The following TRIO variants were observed in gnomAD, a reference collection of about 807,000 sequenced individuals.
TRIO encodes the protein triple functional domain protein.
Under a neutral mutation model 351.9 loss-of-function variants are expected in TRIO, and 58 were observed. The observed-to-expected ratio is 0.16, with a 90% CI of 0.13 to 0.21. The LOEUF (loss-of-function observed/expected upper bound fraction) is 0.21. TRIO is among the 10% of genes least tolerant of loss of function. The pLI is 1.00. For synonymous variants in TRIO, 1,758 were observed against 1,595.7 expected, an observed-to-expected ratio of 1.10 and a Z score of -2.42; for missense variants, 3,201 against 4,027.8, an observed-to-expected ratio of 0.79 and a Z score of 5.56.
intron 3 of TRIO, among the ~76,000 whole-genome samples, chr5:14,281,441 C>T (rs901087772): frequency 1.5e-4 from 19 of 128,506 alleles, no homozygotes; most frequent in Non-Finnish European, 2.1e-4. Context: ...CCCCCCGCCC[C>T]GTGATCCAAT....
At chr5:14,179,283 C>T (rs1476510635) in intron 1 of TRIO, among the ~76,000 whole-genome samples, 1 of 152,172 alleles carries the variant, frequency 6.6e-6, no homozygotes, top group Non-Finnish European at 1.5e-5. Context: ...ATGTGCTAGA[C>T]TCAAACATAC....
At chr5:14,251,461 A>T (rs1794742151) in intron 1 of TRIO, among the ~76,000 whole-genome samples, 1 of 152,168 alleles carries the variant, frequency 6.6e-6, no homozygotes, top group Non-Finnish European at 1.5e-5. Context: ...GAATTTGGAG[A>T]TGGAGTGAAC....
Position 14,290,928 on chromosome 5 carries a change from G to A in TRIO, c.753G>A (p.Glu251=), listed in dbSNP as rs764101054. 2 of 1,614,220 alleles carry A rather than the reference G, an allele frequency of 1.2e-6. No homozygotes were observed. Residue 251 remains glutamate, a synonymous_variant, in exon 5 of 57, where the codon GAG becomes GAA. Transcript: ENST00000344204. ...AGAAGGAGCTGCCTCAGGATTTAGA[G>A]GGGGCTCGGAATATGATCGAGGAAC... ...LAKKELPQDL[E]GARNMIEEHS... is the part of the protein sequence containing the mutation.
intron 1 of TRIO, among the ~76,000 whole-genome samples, chr5:14,212,967 A>G (rs1219569309): frequency 1.3e-5 from 2 of 152,182 alleles, no homozygotes; most frequent in Non-Finnish European, 2.9e-5. Context: ...TCATGGCCGG[A>G]TCTGATTTGT....
Position 14,479,956 on chromosome 5 carries a change from C to T in TRIO, c.6281C>T (p.Thr2094Ile), listed in dbSNP as rs1561538437. 1 of 1,614,140 alleles carries T rather than the reference C, an allele frequency of 6.2e-7. No homozygotes were observed. ...KQRLGHRLQL[T>I]DLLIKPVQRI... is the part of the protein sequence containing the mutation. Reference sequence around the variant, plus strand: ...CGTCTTGGCCACAGGTTACAGCTCACAGATCTGTTGATCAAACCAGTGCAG... The same window carrying T: ...CGTCTTGGCCACAGGTTACAGCTCATAGATCTGTTGATCAAACCAGTGCAG... The change falls in exon 43 of 57, where the codon ACA becomes ATA. Residue 2094 changes from threonine to isoleucine, a missense_variant. By Grantham distance (89) the Thr-to-Ile change is moderately conservative. This residue lies in a region of TRIO where 307 missense variants were observed against 396.5 expected (regional missense o/e 0.77). Coordinates refer to ENST00000344204, the MANE Select transcript of TRIO (RefSeq NM_007118.4).
At chr5:14,273,096 C>T (rs1477749587) in intron 2 of TRIO, among the ~76,000 whole-genome samples, 2 of 152,124 alleles carry the variant, frequency 1.3e-5, no homozygotes, top group Non-Finnish European at 2.9e-5. Flanking sequence ...CACCCCCAAG[C>T]CCCCAGCACT....
intron 35 of TRIO, among the ~76,000 whole-genome samples, chr5:14,462,517 T>C (rs759013309): frequency 2.0e-5 from 3 of 152,194 alleles, no homozygotes; most frequent in African/African-American, 4.8e-5. Context: ...ACAGATCACA[T>C]TGGCAGTCCC....
At chr5:14,218,093 A>G (rs73748688) in intron 1 of TRIO, among the ~76,000 whole-genome samples, 4,341 of 152,244 alleles carry the variant, frequency 0.029, 212 homozygotes, top group African/African-American at 0.1. Flanking sequence ...TACCTTCCCA[A>G]AACAGGTTGG....
In TRIO at chr5:14,292,676, A is replaced by G. The variant is rs533694748; in HGVS notation, c.1054-336A>G. ...TCTTTAATTGAACCTCACTGTGGCA[A>G]ATTAAGTAGTTCAGCGTGGCAGGGA... On this transcript the variant is annotated intron_variant, in intron 5 of 56. Coordinates refer to ENST00000344204, the MANE Select transcript of TRIO (RefSeq NM_007118.4). Among the ~76,000 whole-genome samples, 12 of 152,330 alleles carry G rather than the reference A, an allele frequency of 7.9e-5. No individual in the cohort carries two copies. In the South Asian group the frequency reaches 2.5e-3, roughly 32 times the overall value.
rs150175144 is a variant in TRIO, at chr5:14,428,507, C to T, written c.5203+8486C>T. Among the ~76,000 whole-genome samples, 10 of 152,192 alleles carry T rather than the reference C, an allele frequency of 6.6e-5. No individual in the cohort carries two copies. In the South Asian group the frequency reaches 8.3e-4, roughly 13 times the overall value. On this transcript the variant is annotated intron_variant, in intron 34 of 56. Coordinates refer to ENST00000344204, the MANE Select transcript of TRIO (RefSeq NM_007118.4). ...TACACCAAGAATTTTAAAACAAAGACGCTGTCCCTTTCCTGAGCACCGTGC... is the reference window on the plus strand; with the variant it reads ...TACACCAAGAATTTTAAAACAAAGATGCTGTCCCTTTCCTGAGCACCGTGC...
At position 14,508,581 on chromosome 5, in the gene TRIO, G is replaced by C. The variant is rs910136272; in HGVS notation, c.*159G>C. 6 of 948,612 alleles carry C rather than the reference G, an allele frequency of 6.3e-6. No individual in the cohort carries two copies. In the African/African-American group the frequency reaches 1.0e-4, roughly 16 times the overall value. 58.8% of individuals were successfully genotyped at this position (948,612 alleles called of 1,614,324 possible). ...CTGTGCTCAGCAGTGCTTGGACACAGAGCTGCAAGCTGCGCTGGGGTGGAG... is the reference window on the plus strand; with the variant it reads ...CTGTGCTCAGCAGTGCTTGGACACACAGCTGCAAGCTGCGCTGGGGTGGAG... On this transcript the variant is annotated 3_prime_UTR_variant, in exon 57 of 57. Coordinates refer to ENST00000344204, the MANE Select transcript of TRIO (RefSeq NM_007118.4).
intron 1 of TRIO, among the ~76,000 whole-genome samples, chr5:14,163,924 TTAAG>T (rs1428114955): frequency 2.6e-5 from 4 of 152,200 alleles, no homozygotes; most frequent in African/African-American, 7.2e-5. Flanking sequence ...CAGTAGGAAA[TTAAG>T]TAAGTTTTCC....
At chr5:14,316,440 A>G (rs1163799676) in intron 8 of TRIO, 73 bp from the exon 9 acceptor site, 1 of 1,497,662 alleles carries the variant, frequency 6.7e-7, no homozygotes, top group African/African-American at 1.4e-5. Context: ...ACATGTATCC[A>G]AGGACAGCAT....
chr5:14,507,052 C>T, intron 55 of TRIO, 70 bp from the exon 56 acceptor site: 1 of 1,500,084 alleles, frequency 6.7e-7, no homozygotes, highest in Middle Eastern at 1.8e-4. Flanking sequence ...GACATGTTTA[C>T]TTCTTACTAG....
At chr5:14,328,652 G>T (rs931752247) in intron 9 of TRIO, among the ~76,000 whole-genome samples, 1 of 152,218 alleles carries the variant, frequency 6.6e-6, no homozygotes, top group Non-Finnish European at 1.5e-5. Context: ...GGTTATAGGC[G>T]GGGATGCCAT....
intron 3 of TRIO, among the ~76,000 whole-genome samples, chr5:14,280,739 C>T (rs932663540): frequency 4.6e-5 from 7 of 152,130 alleles, no homozygotes; most frequent in Non-Finnish European, 8.8e-5. Flanking sequence ...ATTCTAATAC[C>T]GTGACACAGA....
chr5:14,267,358 G>A (rs986833639), intron 1 of TRIO, among the ~76,000 whole-genome samples: 5 of 152,142 alleles, frequency 3.3e-5, no homozygotes, highest in Admixed American at 6.5e-5. Context: ...GCCTCTGTGC[G>A]GTGGTATTTG....
rs10037080 is a variant in TRIO, at chr5:14,280,080, T to G, written c.233-242T>G. Among the ~76,000 whole-genome samples, 86 of 152,272 alleles carry G rather than the reference T, an allele frequency of 5.6e-4. 1 individual carries two copies. Among genetic ancestry groups the G allele is most frequent in the Middle Eastern group, 3.4e-3 (1 of 294 alleles). On this transcript the variant is annotated intron_variant, in intron 2 of 56. Transcript: ENST00000344204. The stretch of plus-strand genomic sequence containing the variant: ...AAGAAAGGAGTTTTTCCCAAAACAT[T>G]GGAAGAAAAAGACAAGGCCATATGT...
intron 7 of TRIO, among the ~76,000 whole-genome samples, chr5:14,297,929 G>A (rs1334256302): frequency 6.6e-6 from 1 of 152,164 alleles, no homozygotes; most frequent in African/African-American, 2.4e-5. Context: ...CTTTATAAGG[G>A]AAACATTATT....
Sources: allele counts gnomAD v4.1 joint callset (sites outside exome capture counted in the v4.1 genomes callset), GRCh38; gene constraint gnomAD v4.1.1; regional missense constraint gnomAD v4.1.1; transcripts MANE v1.5; gene names NCBI Gene and HGNC (gene_info 2026-07-23, HGNC 2026-07-21).